The following VARS2 variants were observed in gnomAD, a reference collection of about 807,000 sequenced individuals.
The protein encoded by VARS2 is valine--tRNA ligase, mitochondrial.
A neutral mutation model predicts 154.1 loss-of-function variants in VARS2; 105 were observed. The ratio of observed to expected loss-of-function variants is 0.68; its 90% CI spans 0.58 to 0.80. The LOEUF (loss-of-function observed/expected upper bound fraction) is 0.80. Ranked by LOEUF, VARS2 falls within the 30% of genes least tolerant of loss-of-function variation. The pLI, the probability that VARS2 is intolerant of heterozygous loss-of-function variation, is 0.00. For synonymous variants in VARS2, 483 were observed against 539.5 expected (o/e 0.90, Z 1.45); for missense variants, 1,157 against 1,361.4 (o/e 0.85, Z 2.36).
Position 30,920,307 on chromosome 6 carries a change from C to CT in VARS2, c.1294-23dup. The CT allele has an allele frequency of 6.3e-7, 1 of 1,597,688 alleles. No individual in the cohort carries two copies. The highest frequency in any genetic ancestry group is 1.1e-5 in the South Asian group (1 of 87,668). On this transcript the variant is annotated intron_variant, in intron 13 of 29. Coordinates refer to ENST00000676266, the MANE Select transcript of VARS2 (RefSeq NM_020442.6). This position sits in a 1 kb window ranked among gnomAD's most constrained non-coding sequence, Gnocchi z 4.6. ...TCTTATTTCTCTAGAGGCCTTCAGT[C>CT]TTTACTCTTGCCGCTTTTTCTCCAG...
In VARS2 at chr6:30,922,921, C is replaced by G; in HGVS notation, c.2130C>G (p.Ile710Met). 6.2e-7 allele frequency: 1 copy of G among 1,608,890 alleles called. No individual in the cohort carries two copies. Among genetic ancestry groups the G allele is most frequent in the Non-Finnish European group, 8.5e-7 (1 of 1,177,164 alleles). Residue 710 changes from isoleucine (I) to methionine (M), a missense_variant, in exon 23 of 30, where the codon ATC (isoleucine) becomes ATG (methionine). Ile to Met is a conservative substitution (Grantham distance 10, BLOSUM62 1). Coordinates refer to ENST00000676266, the MANE Select transcript of VARS2 (RefSeq NM_020442.6). ...AGAAAAAGGACTTTCCTCACGGGAT[C>G]CCTGAGTGTGGGACAGATGCCCTGA... ...AAQKKDFPHG[I>M]PECGTDALRF...
intron 4 of VARS2, 88 bp from the exon 5 acceptor site, chr6:30,915,658 G>A: frequency 6.4e-7 from 1 of 1,574,072 alleles, no homozygotes; most frequent in Non-Finnish European, 8.6e-7. Flanking sequence ...GTTCTTCCTT[G>A]AAGTTCTTTC....
At chr6:30,915,122 C>T in intron 2 of VARS2, 34 bp from the exon 3 acceptor site, 1 of 1,612,104 alleles carries the variant, frequency 6.2e-7, no homozygotes, top group Non-Finnish European at 8.5e-7. Context: ...CTGGGGTATA[C>T]TGGATCCCAG....
In VARS2 at chr6:30,916,941, G is replaced by C; in HGVS notation, c.735G>C (p.Glu245Asp). ...GTGCCTCCCTGGACTGGGATCGAGA[G>C]TGTTTTACCATGGATGTTGTGAGTG... The part of the protein sequence containing the change: ...ALGASLDWDR[E>D]CFTMDVGSSV... The change falls in exon 8 of 30, where the codon GAG becomes GAC. Residue 245 changes from glutamate to aspartate, a missense_variant. Glu to Asp is a conservative substitution (Grantham distance 45). Coordinates refer to ENST00000676266, the MANE Select transcript of VARS2 (RefSeq NM_020442.6). This position sits in a 1 kb window ranked among gnomAD's most constrained non-coding sequence, Gnocchi z 4.0. The C allele has an allele frequency of 1.9e-6, 3 of 1,614,208 alleles. No homozygotes were observed. The highest frequency in any genetic ancestry group is 2.5e-6 in the Non-Finnish European group (3 of 1,180,038).
chr6:30,924,638 C>A, intron 26 of VARS2, 78 bp downstream of exon 26: 1 of 755,186 alleles, frequency 1.3e-6, no homozygotes, highest in Non-Finnish European at 2.1e-6. Context: ...CTGCAGGGGG[C>A]TCATCTGCAG....
In VARS2 at chr6:30,916,321, C is replaced by A; in HGVS notation, c.671+72C>A. 1 of 1,288,534 alleles carries A rather than the reference C, an allele frequency of 7.8e-7. No homozygotes were observed. Among genetic ancestry groups the A allele is most frequent in the Non-Finnish European group, 1.1e-6 (1 of 932,096 alleles). 79.8% of individuals were successfully genotyped at this position (1,288,534 alleles called of 1,614,324 possible). Reference sequence around the variant, plus strand: ...TTTCTTGCCTCCCACCACTATCACTCCTGACTTGTAATCCTTGGCTCTTCC... The same window carrying A: ...TTTCTTGCCTCCCACCACTATCACTACTGACTTGTAATCCTTGGCTCTTCC... On this transcript the variant is annotated intron_variant, in intron 7 of 29. Transcript: ENST00000676266. The surrounding 1 kb of genome is among the most constrained non-coding windows in gnomAD (Gnocchi z 4.0).
Position 30,914,966 on chromosome 6 carries a change from C to A in VARS2, c.130C>A (p.Arg44Ser). ...PHGSPISRRN[R>S]EAKQKRLREK... ...TGGATCTCCCATCTCCCGGAGGAACCGTGAAGCCAAACAGAAGCGCCTGCG... is the reference window on the plus strand; with the variant it reads ...TGGATCTCCCATCTCCCGGAGGAACAGTGAAGCCAAACAGAAGCGCCTGCG... Residue 44 changes from arginine (R) to serine (S), a missense_variant, in exon 2 of 30, where the codon CGT becomes AGT. Arg to Ser is a moderately radical substitution (Grantham distance 110). Coordinates refer to ENST00000676266, the MANE Select transcript of VARS2 (RefSeq NM_020442.6). 8 of 1,613,108 alleles carry A rather than the reference C, an allele frequency of 5.0e-6. No individual in the cohort carries two copies. The highest frequency in any genetic ancestry group is 6.8e-6 in the Non-Finnish European group (8 of 1,180,036).
chr6:30,921,977 C>T lies in VARS2; in HGVS notation c.1788C>T (p.Ala596=). 1.2e-6 allele frequency: 2 copies of T among 1,612,938 alleles called. No individual in the cohort carries two copies. Among genetic ancestry groups the T allele is most frequent in the Non-Finnish European group, 1.7e-6 (2 of 1,179,988 alleles). The change falls in exon 19 of 30, where the codon GCC becomes GCT. Residue 596 remains alanine, a synonymous_variant. Transcript: ENST00000676266. The surrounding 1 kb of genome is among the most constrained non-coding windows in gnomAD (Gnocchi z 4.6). ...CTTCTGCCCTGTTCCCCTTTTCTGC[C>T]CTGGGCTGGCCCCAAGAGGTGAGGT... ...WFSSALFPFS[A]LGWPQETPDL...
chr6:30,921,004 A>G lies in VARS2; in HGVS notation c.1480-61A>G. ...AATGACCTCAGAGGCCACTCGTCCT[A>G]TCTGTGGAGGTGCGGCCGTGCAGGA... On this transcript the variant is annotated intron_variant, in intron 15 of 29. Transcript: ENST00000676266. The surrounding 1 kb of genome is among the most constrained non-coding windows in gnomAD (Gnocchi z 4.6). The G allele has an allele frequency of 6.6e-7, 1 of 1,516,646 alleles. No individual in the cohort carries two copies. Among genetic ancestry groups the G allele is most frequent in the Admixed American group, 2.0e-5 (1 of 50,872 alleles). The allele number at this position is 1,516,646 out of a possible 1,614,324, so 93.9% of individuals were successfully genotyped here.
chr6:30,923,142 T>C lies in VARS2; in HGVS notation c.2224T>C (p.Cys742Arg). 6.2e-7 allele frequency: 1 copy of C among 1,613,126 alleles called. No homozygotes were observed. Reference sequence around the variant, plus strand: ...CCTGTCAGTCTCTGAGGTCCAGAGCTGCCGACATTTCTGCAACAAGATCTG... The same window carrying C: ...CCTGTCAGTCTCTGAGGTCCAGAGCCGCCGACATTTCTGCAACAAGATCTG... ...LHLSVSEVQS[C>R]RHFCNKIWNA... The change falls in exon 24 of 30, where the codon TGC (cysteine) becomes CGC (arginine). Residue 742 changes from cysteine to arginine, a missense_variant. Coordinates refer to ENST00000676266, the MANE Select transcript of VARS2 (RefSeq NM_020442.6).
At chr6:30,915,647 A>G in intron 4 of VARS2, 99 bp from the exon 5 acceptor site, 2 of 1,557,868 alleles carry the variant, frequency 1.3e-6, no homozygotes, top group Admixed American at 1.8e-5. Flanking sequence ...TTTGCAGGAC[A>G]GTTCTTCCTT....
intron 10 of VARS2, among the ~76,000 whole-genome samples, chr6:30,918,612 AC>A (rs1794317993): frequency 6.6e-6 from 1 of 152,156 alleles, no homozygotes; most frequent in Admixed American, 6.5e-5. Flanking sequence ...ATTCTTTAGC[AC>A]CAGAGACCCT....
At chr6:30,915,273 A>T in intron 3 of VARS2, 36 bp downstream of exon 3, 1 of 1,612,676 alleles carries the variant, frequency 6.2e-7, no homozygotes, top group Non-Finnish European at 8.5e-7. Context: ...TTTCTTTCAC[A>T]TATGTGTTGC....
In VARS2 at chr6:30,914,654, C is replaced by T. The variant is rs3218831; in HGVS notation, c.-27-156C>T. 4.8e-3 allele frequency: 5,014 copies of T among 1,043,288 alleles called. 130 individuals carry two copies. In the African/African-American group the frequency reaches 0.067, roughly 14 times the overall value. The allele number at this position is 1,043,288 out of a possible 1,614,324, so 64.6% of individuals were successfully genotyped here. On this transcript the variant is annotated intron_variant, in intron 1 of 29. Transcript: ENST00000676266. Reference sequence around the variant, plus strand: ...GCTCCATGGCGCTGTCTGTCGATACCATGCACTCTAGCTCTCAAGGAGGAA... The same window carrying T: ...GCTCCATGGCGCTGTCTGTCGATACTATGCACTCTAGCTCTCAAGGAGGAA...
Position 30,921,368 on chromosome 6 carries a change from A to T in VARS2, c.1632+63A>T, listed in dbSNP as rs536673728. On this transcript the variant is annotated intron_variant, in intron 17 of 29. Transcript: ENST00000676266. This position sits in a 1 kb window ranked among gnomAD's most constrained non-coding sequence, Gnocchi z 4.6. The stretch of plus-strand genomic sequence containing the variant: ...ACAGAGCACCTAGCCCAGGAGTCAG[A>T]GCTCCGCAGGGCCAAGTCCCGCTCC... 1.8e-5 allele frequency: 28 copies of T among 1,597,904 alleles called. No individual in the cohort carries two copies. In the African/African-American group the frequency reaches 3.5e-4, roughly 20 times the overall value.
In VARS2 at chr6:30,920,094, G is replaced by C. The variant is rs775155900; in HGVS notation, c.1171G>C (p.Val391Leu). 1 of 1,543,628 alleles carries C rather than the reference G, an allele frequency of 6.5e-7. No individual in the cohort carries two copies. Residue 391 changes from valine (V) to leucine (L), a missense_variant, in exon 13 of 30, where the codon GTG becomes CTG. Physicochemically the swap from Val to Leu is conservative, Grantham distance 32. Transcript: ENST00000676266. This position sits in a 1 kb window ranked among gnomAD's most constrained non-coding sequence, Gnocchi z 4.6. ...CCATGGCTGTGCTCCCCAAGGGGCA[G>C]TGAAGGTGACTCCAGCTCACAGTCC... is the stretch of plus-strand genomic sequence containing the variant. ...AVQPHVGTGA[V>L]KVTPAHSPAD...
chr6:30,921,824 T>C lies in VARS2; in HGVS notation c.1736-101T>C. The stretch of plus-strand genomic sequence containing the variant: ...GGAATGGAGCCAAAGGGGACAGCCC[T>C]GGTCTCTGGGGGTGGGGGTTGGCCT... On this transcript the variant is annotated intron_variant, in intron 18 of 29. Transcript: ENST00000676266. The surrounding 1 kb of genome is among the most constrained non-coding windows in gnomAD (Gnocchi z 4.6). The C allele has an allele frequency of 1.3e-6, 2 of 1,566,112 alleles. No individual in the cohort carries two copies. Among genetic ancestry groups the C allele is most frequent in the Non-Finnish European group, 1.8e-6 (2 of 1,141,890 alleles).
chr6:30,916,496 ATT>A lies in VARS2; in HGVS notation c.671+250_671+251del. 2 of 310,258 alleles carry A rather than the reference ATT, an allele frequency of 6.4e-6. No individual in the cohort carries two copies. The highest frequency in any genetic ancestry group is 6.4e-5 in the East Asian group (1 of 15,560). The allele number at this position is 310,258 out of a possible 1,614,324, so 19.2% of individuals were successfully genotyped here. A position where few individuals can be genotyped will look rare whatever the true frequency, so the allele number is the denominator to read the frequency against. On this transcript the variant is annotated intron_variant, in intron 7 of 29. Transcript: ENST00000676266. This position sits in a 1 kb window ranked among gnomAD's most constrained non-coding sequence, Gnocchi z 4.0. ...TGTGTGTATTTATATATATATATAT[ATT>A]TTCTTTCTCTTTACTTACCCCAATT... is the stretch of plus-strand genomic sequence containing the variant.
intron 1 of VARS2, chr6:30,914,572 G>A (rs1794023596): frequency 1.5e-6 from 2 of 1,316,900 alleles, no homozygotes; most frequent in East Asian, 5.4e-5. Context: ...ATGTGTCAGT[G>A]GTCACCGCCG....
Sources: gnomAD v4.1 joint callset for allele counts (sites outside exome capture counted in the v4.1 genomes callset) on GRCh38, gnomAD v4.1.1 for gene constraint, Gnocchi (gnomAD v3.1) non-coding constraint, MANE v1.5 for transcripts, NCBI Gene and HGNC (gene_info 2026-07-23, HGNC 2026-07-21) for gene names.